Variants in CRTAC1 observed in about 807,000 individuals in gnomAD.
The protein encoded by CRTAC1 is cartilage acidic protein 1, also known as acidic secreted protein in cartilage.
Under a neutral mutation model 67.8 loss-of-function variants are expected in CRTAC1, and 37 were observed. That is an observed-to-expected ratio of 0.55 (90% confidence interval 0.42 to 0.72). The LOEUF is 0.72. Among genes scored for constraint, CRTAC1 ranks in the 30% least tolerant of loss-of-function variants. CRTAC1 has a pLI of 0.00. For missense variants in CRTAC1, 780 were observed against 931.6 expected, an observed-to-expected ratio of 0.84 and a Z score of 2.12; for synonymous variants, 348 against 371.0, an observed-to-expected ratio of 0.94 and a Z score of 0.71.
Position 98,005,100 on chromosome 10 carries a change from A to ATAT in CRTAC1, c.224+6037_224+6038insATA. On this transcript the variant is annotated intron_variant, in intron 2 of 14. Transcript: ENST00000370597. Reference sequence around the variant, plus strand: ...GTAATACATATATATATATATATATATTTTTTTTTTTTTTTTTTTTTGAGA... The same window carrying ATAT: ...GTAATACATATATATATATATATATATATTTTTTTTTTTTTTTTTTTTTTGAGA... Among the ~76,000 whole-genome samples the ATAT allele has an allele frequency of 4.5e-3, 221 of 48,882 alleles. 6 individuals carry two copies. Among genetic ancestry groups the ATAT allele is most frequent in the Admixed American group, 0.013 (49 of 3,734 alleles). The allele number at this position is 48,882 out of a possible 152,430, so 32.1% of individuals were successfully genotyped here.
In CRTAC1 at chr10:97,966,993, ACCC is replaced by A. The variant is rs55769291; in HGVS notation, c.225-30630_225-30628del. Among the ~76,000 whole-genome samples, 449 of 129,628 alleles carry A rather than the reference ACCC, an allele frequency of 3.5e-3. 6 individuals carry two copies. Among genetic ancestry groups the A allele is most frequent in the African/African-American group, 0.011 (360 of 33,188 alleles). 85.0% of individuals were successfully genotyped at this position (129,628 alleles called of 152,430 possible). Reference sequence around the variant, plus strand: ...TGCTGTGTTTCTCCATTGTAAAGTCACCCCCCCCCCCCCGACATCCTACATGCT... The same window carrying A: ...TGCTGTGTTTCTCCATTGTAAAGTCACCCCCCCCCCGACATCCTACATGCT... On this transcript the variant is annotated intron_variant, in intron 2 of 14. Transcript: ENST00000370597.
At position 97,923,354 on chromosome 10, in the gene CRTAC1, C is replaced by T. The variant is rs2050868199; in HGVS notation, c.468G>A (p.Arg156=). The change falls in exon 4 of 15, where the codon CGG becomes CGA. Residue 156 remains arginine (R), a synonymous_variant. Transcript: ENST00000370597. ...CCTCATCGCTCAGGATGTCTTCCCA[C>T]CGGTTATTGCGGAACTTGAACAACT... ...TDKLFKFRNN[R]WEDILSDEVN... 6.2e-7 allele frequency: 1 copy of T among 1,614,164 alleles called. No individual in the cohort carries two copies. Among genetic ancestry groups the T allele is most frequent in the Non-Finnish European group, 8.5e-7 (1 of 1,180,036 alleles).
chr10:97,887,519 T>C (rs2050304376), intron 11 of CRTAC1, among the ~76,000 whole-genome samples: 1 of 152,208 alleles, frequency 6.6e-6, no homozygotes, highest in Admixed American at 6.5e-5. Context: ...GCTGGGATTA[T>C]AGGCGTGAGT....
At chr10:97,927,838 C>T (rs1413432666) in intron 3 of CRTAC1, among the ~76,000 whole-genome samples, 1 of 152,170 alleles carries the variant, frequency 6.6e-6, no homozygotes, top group Admixed American at 6.5e-5. Flanking sequence ...GACAGATAAA[C>T]AGCGAGCTGT....
At chr10:97,947,439 T>A (rs73332583) in intron 2 of CRTAC1, among the ~76,000 whole-genome samples, 2,794 of 152,310 alleles carry the variant, frequency 0.018, 74 homozygotes, top group African/African-American at 0.063. Context: ...GGGTCAGGCA[T>A]TTATGAAAGA....
At chr10:97,977,637 C>A (rs1050216612) in intron 2 of CRTAC1, among the ~76,000 whole-genome samples, 1 of 152,022 alleles carries the variant, frequency 6.6e-6, no homozygotes, top group Non-Finnish European at 1.5e-5. Context: ...TGGGGAGGGA[C>A]GTCAGCTCTG....
intron 1 of CRTAC1, among the ~76,000 whole-genome samples, chr10:98,013,190 G>T (rs1035083770): frequency 1.3e-5 from 2 of 152,174 alleles, no homozygotes; most frequent in Admixed American, 1.3e-4. Flanking sequence ...CAATTGACTG[G>T]CAGTGGCTGG....
intron 2 of CRTAC1, among the ~76,000 whole-genome samples, chr10:97,997,485 A>G (rs912473652): frequency 4.7e-5 from 7 of 149,512 alleles, no homozygotes; most frequent in Non-Finnish European, 3.0e-5. Context: ...AGTGTTTTCA[A>G]TTTAGGCCCA....
chr10:97,962,000 T>C (rs1191917755), intron 2 of CRTAC1, among the ~76,000 whole-genome samples: 1 of 152,326 alleles, frequency 6.6e-6, no homozygotes, highest in Admixed American at 6.5e-5. Flanking sequence ...AGAACACAGA[T>C]CCCAGAAGAC....
intron 2 of CRTAC1, among the ~76,000 whole-genome samples, chr10:98,003,050 T>C (rs1284138797): frequency 6.6e-6 from 1 of 152,106 alleles, no homozygotes; most frequent in Admixed American, 6.5e-5. Context: ...CCCAAAGTGC[T>C]GGGATTACAG....
chr10:97,943,600 A>G (rs1297299339), intron 2 of CRTAC1, among the ~76,000 whole-genome samples: 2 of 152,274 alleles, frequency 1.3e-5, no homozygotes, highest in African/African-American at 4.8e-5. Flanking sequence ...AGTTTCTGAG[A>G]AAAGTGACTT....
chr10:97,970,052 C>T (rs2051683128), intron 2 of CRTAC1, among the ~76,000 whole-genome samples: 1 of 152,160 alleles, frequency 6.6e-6, no homozygotes, highest in South Asian at 2.1e-4. Flanking sequence ...CTCTTCTAGA[C>T]CTACTCCTGC....
At chr10:97,932,888 G>A (rs966748860) in intron 3 of CRTAC1, among the ~76,000 whole-genome samples, 3 of 152,196 alleles carry the variant, frequency 2.0e-5, no homozygotes, top group South Asian at 4.1e-4. Context: ...AGTAAATAAG[G>A]GGCAGACCCC....
rs560479252 is a variant in CRTAC1, at chr10:98,018,470, T to C, written c.25-7133A>G. On this transcript the variant is annotated intron_variant, in intron 1 of 14. Transcript: ENST00000370597. ...ACTTGCACGTTCCCCTTCTTTGACA[T>C]AGAGAGCTGAAAGGTGAGATAGTCT... is the stretch of plus-strand genomic sequence containing the variant. 3.3e-5 allele frequency among the ~76,000 whole-genome samples: 5 copies of C among 152,204 alleles called. No homozygotes were observed. In the East Asian group the frequency reaches 5.8e-4, roughly 18 times the overall value.
chr10:97,890,416 T>C (rs969765116), intron 11 of CRTAC1, among the ~76,000 whole-genome samples: 6 of 152,010 alleles, frequency 3.9e-5, no homozygotes, highest in African/African-American at 1.2e-4. Context: ...GCCTTGGACA[T>C]AGGTTAAGAG....
At chr10:97,955,775 C>G (rs763478868) in intron 2 of CRTAC1, among the ~76,000 whole-genome samples, 44 of 152,276 alleles carry the variant, frequency 2.9e-4, no homozygotes, top group Non-Finnish European at 5.4e-4. Context: ...CTGTTATCTA[C>G]GCTGTGCCCA....
At chr10:98,014,099 TAGA>T (rs140549373) in intron 1 of CRTAC1, among the ~76,000 whole-genome samples, 117 of 152,312 alleles carry the variant, frequency 7.7e-4, no homozygotes, top group African/African-American at 2.8e-3. Flanking sequence ...TGAGGAAGCT[TAGA>T]AGAAGGTCTG....
intron 2 of CRTAC1, among the ~76,000 whole-genome samples, chr10:97,989,120 C>T (rs1842379939): frequency 6.6e-6 from 1 of 152,144 alleles, no homozygotes; most frequent in Non-Finnish European, 1.5e-5. Flanking sequence ...ACATCATTGG[C>T]TCCCCTGGTT....
intron 2 of CRTAC1, among the ~76,000 whole-genome samples, chr10:97,950,250 G>GAGAGAC (rs2051332471): frequency 2.5e-5 from 3 of 119,586 alleles, no homozygotes; most frequent in African/African-American, 9.2e-5. Flanking sequence ...CACACACAGA[G>GAGAGAC]AGAGAGAGAG....
Sources: allele counts gnomAD v4.1 joint callset (sites outside exome capture counted in the v4.1 genomes callset), GRCh38; gene constraint gnomAD v4.1.1; transcripts MANE v1.5; gene names NCBI Gene and HGNC (gene_info 2026-07-23, HGNC 2026-07-21).